Variants in CLASP1 observed in about 807,000 individuals in gnomAD.
The protein encoded by CLASP1 is cytoplasmic linker associated protein 1, also known as CLIP-associating protein 1.
CLASP1 carries 38 observed loss-of-function variants against 192.3 expected under a neutral mutation model. The ratio of observed to expected loss-of-function variants is 0.20; its 90% CI spans 0.15 to 0.26. The LOEUF (loss-of-function observed/expected upper bound fraction) is 0.26. Among genes scored for constraint, CLASP1 ranks in the 10% least tolerant of loss-of-function variants. The probability of loss-of-function intolerance (pLI) is 1.00; values close to 1 mark genes in which losing one functional copy is unlikely to be tolerated. For missense variants in CLASP1, 1,433 were observed against 1,932.5 expected (o/e 0.74, Z 4.85); for synonymous variants, 691 against 712.8 (o/e 0.97, Z 0.49).
Position 121,410,850 on chromosome 2 carries a change from A to T in CLASP1, c.2424+16T>A. On this transcript the variant is annotated intron_variant, in intron 24 of 39. Coordinates refer to ENST00000263710, the Ensembl canonical transcript of CLASP1. ...TATTTCAAAAAGACTGTGTACATAC[A>T]TACTGTGCCTCTTACCAAAGCATCA... is the stretch of plus-strand genomic sequence containing the variant. 1 of 1,531,510 alleles carries T rather than the reference A, an allele frequency of 6.5e-7. No individual in the cohort carries two copies. Among genetic ancestry groups the T allele is most frequent in the African/African-American group, 1.4e-5 (1 of 73,182 alleles). 94.9% of individuals were successfully genotyped at this position (1,531,510 alleles called of 1,614,324 possible).
chr2:121,425,231 C>T (rs1336082496), exon 22 of CLASP1: 5 of 1,613,542 alleles, frequency 3.1e-6, no homozygotes, highest in Non-Finnish European at 3.4e-6. Flanking sequence ...CACAGGTGGG[C>T]CTCGTGAGGA....
intron 8 of CLASP1, among the ~76,000 whole-genome samples, chr2:121,475,645 T>C (rs1273358596): frequency 6.6e-6 from 1 of 152,262 alleles, no homozygotes; most frequent in Non-Finnish European, 1.5e-5. Context: ...TAACCTCTTT[T>C]TCTAGTGCTT....
intron 1 of CLASP1, among the ~76,000 whole-genome samples, chr2:121,622,145 G>A (rs888533032): frequency 1.3e-5 from 2 of 151,876 alleles, no homozygotes; most frequent in Non-Finnish European, 2.9e-5. Context: ...CACCTGGCCT[G>A]GAATTTTAAT....
exon 38 of CLASP1, chr2:121,348,562 T>C: frequency 6.2e-7 from 1 of 1,613,456 alleles, no homozygotes; most frequent in Non-Finnish European, 8.5e-7. Context: ...AATGACTCCT[T>C]TGCGATCCTC....
chr2:121,419,892 AC>A (rs1205524186), intron 22 of CLASP1, among the ~76,000 whole-genome samples: 1 of 152,208 alleles, frequency 6.6e-6, no homozygotes, highest in Non-Finnish European at 1.5e-5. Context: ...TGATATCAAA[AC>A]AAGTATGTTT....
At chr2:121,474,916 C>A (rs1046560561) in intron 8 of CLASP1, among the ~76,000 whole-genome samples, 1 of 152,114 alleles carries the variant, frequency 6.6e-6, no homozygotes, top group African/African-American at 2.4e-5. Flanking sequence ...AGAAGGAGGA[C>A]GCAAGAATTA....
rs116525892 is a variant in CLASP1, at chr2:121,485,712, A to G, written c.713-15752T>C. On this transcript the variant is annotated intron_variant, in intron 8 of 39. Transcript: ENST00000263710. ...AACCCTGTCACTGCTGGAAAAAAAG[A>G]AAAAAAAGAATTAGGGCATGGTGGG... is the stretch of plus-strand genomic sequence containing the variant. 4.9e-3 allele frequency among the ~76,000 whole-genome samples: 747 copies of G among 152,050 alleles called. 9 individuals are homozygous for G. Among genetic ancestry groups the G allele is most frequent in the African/African-American group, 0.017 (725 of 41,482 alleles).
intron 2 of CLASP1, among the ~76,000 whole-genome samples, chr2:121,553,654 T>A (rs746087674): frequency 5.3e-5 from 8 of 152,078 alleles, no homozygotes; most frequent in African/African-American, 9.7e-5. Flanking sequence ...TGAGCCAAGA[T>A]CGCGTCACTA....
chr2:121,576,913 T>C (rs1320461001), intron 2 of CLASP1, among the ~76,000 whole-genome samples: 1 of 152,208 alleles, frequency 6.6e-6, no homozygotes, highest in Non-Finnish European at 1.5e-5. Flanking sequence ...GAAAATGTCC[T>C]ATTTTTGTGA....
intron 19 of CLASP1, among the ~76,000 whole-genome samples, chr2:121,432,410 T>C (rs2081591554): frequency 6.6e-6 from 1 of 152,156 alleles, no homozygotes; most frequent in South Asian, 2.1e-4. Context: ...GGAGCCACTG[T>C]CCCCGGCCTG....
At chr2:121,592,654 TTG>T (rs1303472995) in intron 2 of CLASP1, among the ~76,000 whole-genome samples, 2 of 152,124 alleles carry the variant, frequency 1.3e-5, no homozygotes, top group African/African-American at 4.8e-5. Flanking sequence ...CTGTTTTTTT[TTG>T]TTTGTTTTTT....
intron 30 of CLASP1, among the ~76,000 whole-genome samples, chr2:121,388,378 G>A (rs554450254): frequency 6.7e-4 from 102 of 152,248 alleles, no homozygotes; most frequent in African/African-American, 2.4e-3. Context: ...ATGAGAAAAC[G>A]AGTATAAATA....
At chr2:121,388,075 T>C (rs1184325248) in intron 30 of CLASP1, 169 bp from the exon 32 acceptor site, 2 of 534,120 alleles carry the variant, frequency 3.7e-6, no homozygotes, top group East Asian at 3.1e-5. Flanking sequence ...ACAAGCAGTC[T>C]GACTTCAATC....
chr2:121,536,585 G>A (rs908492468), intron 2 of CLASP1, among the ~76,000 whole-genome samples: 2 of 152,034 alleles, frequency 1.3e-5, no homozygotes, highest in Non-Finnish European at 2.9e-5. Context: ...ATACAAAATG[G>A]AGTCTCCTGG....
At chr2:121,627,883 C>T (rs2068683483) in intron 1 of CLASP1, among the ~76,000 whole-genome samples, 1 of 152,174 alleles carries the variant, frequency 6.6e-6, no homozygotes, top group African/African-American at 2.4e-5. Context: ...GGAACATCAC[C>T]TGAGCAATGA....
In CLASP1 at chr2:121,375,672, T is replaced by C. The variant is rs185021016; in HGVS notation, c.3642+1827A>G. On this transcript the variant is annotated intron_variant, in intron 34 of 39. Coordinates refer to ENST00000263710, the Ensembl canonical transcript of CLASP1. ...CCACCGCACCTAGCTGGTAGTTCTT[T>C]ATAGCAGTGTGAGAACTGACTAATA... 1.7e-3 allele frequency among the ~76,000 whole-genome samples: 265 copies of C among 152,258 alleles called. 1 individual carries two copies. In the South Asian group the frequency reaches 0.018, roughly 10 times the overall value.
chr2:121,633,842 T>C (rs980008246), intron 1 of CLASP1, among the ~76,000 whole-genome samples: 1 of 151,646 alleles, frequency 6.6e-6, no homozygotes, highest in African/African-American at 2.4e-5. Context: ...CCGTCTCTAC[T>C]AAAAATAAAA....
At chr2:121,646,511 CA>C (rs1357712910) in intron 1 of CLASP1, among the ~76,000 whole-genome samples, 3 of 152,040 alleles carry the variant, frequency 2.0e-5, no homozygotes, top group Admixed American at 1.3e-4. Flanking sequence ...ATTTAGTTAC[CA>C]AAAATGACAG....
chr2:121,537,289 C>T (rs747833336), intron 2 of CLASP1, among the ~76,000 whole-genome samples: 19 of 151,646 alleles, frequency 1.3e-4, no homozygotes, highest in Non-Finnish European at 2.4e-4. Context: ...CTACTCGCAT[C>T]GCTGAGGAGA....
Sources: gnomAD v4.1 joint callset for allele counts (sites outside exome capture counted in the v4.1 genomes callset) on GRCh38, gnomAD v4.1.1 for gene constraint, MANE v1.5 for transcripts, NCBI Gene and HGNC (gene_info 2026-07-23, HGNC 2026-07-21) for gene names.